Variants in ENPP6 observed in about 807,000 individuals in gnomAD.
ENPP6 encodes the protein ectonucleotide pyrophosphatase/phosphodiesterase 6.
A neutral mutation model predicts 42.0 loss-of-function variants in ENPP6; 32 were observed. The observed-to-expected ratio is 0.76, with a 90% CI of 0.58 to 1.02. The LOEUF is 1.02. Ranked by LOEUF, ENPP6 falls within the 50% of genes least tolerant of loss-of-function variation. The pLI is 0.00. For synonymous variants in ENPP6, 213 were observed against 216.0 expected, an observed-to-expected ratio of 0.99 and a Z score of 0.12; for missense variants, 552 against 566.8, an observed-to-expected ratio of 0.97 and a Z score of 0.27.
intron 5 of ENPP6, among the ~76,000 whole-genome samples, chr4:184,113,898 CTTTT>C (rs1560981810): frequency 7.3e-5 from 9 of 122,836 alleles, no homozygotes; most frequent in Admixed American, 2.5e-4. Flanking sequence ...TCCTTTCTTT[CTTTT>C]CTTTCTTTCT....
At chr4:184,211,236 T>G (rs1277494772) in intron 1 of ENPP6, among the ~76,000 whole-genome samples, 1 of 151,528 alleles carries the variant, frequency 6.6e-6, no homozygotes, top group Non-Finnish European at 1.5e-5. Context: ...ATAACCAAAA[T>G]CAGAGCAGAA....
intron 3 of ENPP6, among the ~76,000 whole-genome samples, chr4:184,120,526 C>A (rs1736398377): frequency 6.6e-6 from 1 of 152,230 alleles, no homozygotes; most frequent in Non-Finnish European, 1.5e-5. Flanking sequence ...CCCTGCTCTC[C>A]TCCACCAACC....
intron 1 of ENPP6, among the ~76,000 whole-genome samples, chr4:184,175,531 G>A (rs781043556): frequency 8.5e-5 from 13 of 152,166 alleles, no homozygotes; most frequent in Non-Finnish European, 1.0e-4. Context: ...GGCTACCACC[G>A]CAGAGTGGGG....
At chr4:184,155,229 A>G (rs1384268886) in intron 1 of ENPP6, among the ~76,000 whole-genome samples, 1 of 152,218 alleles carries the variant, frequency 6.6e-6, no homozygotes, top group East Asian at 1.9e-4. Flanking sequence ...TTTTTAGTAT[A>G]TGAAAGTTGA....
chr4:184,206,252 T>TTC (rs1491264597), intron 1 of ENPP6, among the ~76,000 whole-genome samples: 16,332 of 57,138 alleles, frequency 0.29, 2,169 homozygotes, highest in Non-Finnish European at 0.32. Context: ...GAAGCTTGAA[T>TTC]TTTTTTTTTT....
chr4:184,096,351 A>C (rs796300963), intron 7 of ENPP6, among the ~76,000 whole-genome samples: 1 of 152,216 alleles, frequency 6.6e-6, no homozygotes, highest in East Asian at 1.9e-4. Context: ...CATTTTGACC[A>C]ACATCTAGAA....
chr4:184,097,407 G>T, intron 6 of ENPP6, 39 bp from the exon 7 acceptor site: 5 of 1,610,558 alleles, frequency 3.1e-6, no homozygotes, highest in Middle Eastern at 1.7e-4. Flanking sequence ...ACTACGTCCT[G>T]ACCGTGGCGC....
At chr4:184,145,878 T>C (rs1736909846) in intron 2 of ENPP6, among the ~76,000 whole-genome samples, 1 of 152,138 alleles carries the variant, frequency 6.6e-6, no homozygotes, top group East Asian at 1.9e-4. Flanking sequence ...CAAGAATAAA[T>C]GGAGTATTAT....
intron 5 of ENPP6, 68 bp from the exon 6 acceptor site, chr4:184,112,877 A>G: frequency 6.8e-7 from 1 of 1,468,644 alleles, no homozygotes; most frequent in Admixed American, 2.2e-5. Context: ...TACTGGAGCT[A>G]GGGGAGAGGA....
intron 2 of ENPP6, among the ~76,000 whole-genome samples, chr4:184,132,535 G>A (rs1736655025): frequency 6.6e-6 from 1 of 151,808 alleles, no homozygotes; most frequent in African/African-American, 2.4e-5. Context: ...TAATTTTAAT[G>A]ACTTCATCAG....
In ENPP6 at chr4:184,112,693, A is replaced by G. The variant is rs772732636; in HGVS notation, c.972T>C (p.Asp324=). The part of the protein sequence containing the change: ...KFVSPLTLVA[D]EGWFITENRE... ...TTACCTCAGTTATGAACCAGCCTTC[A>G]TCAGCCACTAAAGTCAAAGGAGAGA... Residue 324 remains aspartate (D), a synonymous_variant, in exon 6 of 8, where the codon GAT becomes GAC. Transcript: ENST00000296741. 3 of 1,614,140 alleles carry G rather than the reference A, an allele frequency of 1.9e-6. No homozygotes were observed. The Admixed American group carries it at 5.0e-5, about 27-fold the overall frequency.
At chr4:184,215,639 C>T (rs1467319740) in intron 1 of ENPP6, among the ~76,000 whole-genome samples, 1 of 152,168 alleles carries the variant, frequency 6.6e-6, no homozygotes, top group Non-Finnish European at 1.5e-5. Context: ...CTCCCTTGTG[C>T]AGGGTAGCTT....
At chr4:184,142,188 A>T (rs1031716210) in intron 2 of ENPP6, among the ~76,000 whole-genome samples, 1 of 152,216 alleles carries the variant, frequency 6.6e-6, no homozygotes, top group African/African-American at 2.4e-5. Context: ...CATAAAAATT[A>T]CATTTCTCCA....
chr4:184,200,615 A>G (rs1016603438), intron 1 of ENPP6, among the ~76,000 whole-genome samples: 2 of 152,196 alleles, frequency 1.3e-5, no homozygotes, highest in Admixed American at 1.3e-4. Context: ...AAGATGATGT[A>G]ATGTATCCAA....
At chr4:184,188,529 C>T (rs1343808306) in intron 1 of ENPP6, among the ~76,000 whole-genome samples, 1 of 152,094 alleles carries the variant, frequency 6.6e-6, no homozygotes, top group Admixed American at 6.6e-5. Context: ...CACAGTCTTG[C>T]CACGCTGTGT....
chr4:184,128,757 A>T (rs1017607782), intron 2 of ENPP6, among the ~76,000 whole-genome samples: 3 of 152,216 alleles, frequency 2.0e-5, no homozygotes, highest in Non-Finnish European at 4.4e-5. Flanking sequence ...GATATTGAAA[A>T]GTTTATCTTA....
At chr4:184,147,301 G>A (rs996869905) in intron 2 of ENPP6, among the ~76,000 whole-genome samples, 11 of 152,178 alleles carry the variant, frequency 7.2e-5, no homozygotes, top group Non-Finnish European at 4.4e-5. Context: ...CAGTCTGAGC[G>A]ATGCTCACCT....
chr4:184,143,260 A>G (rs995415257), intron 2 of ENPP6, among the ~76,000 whole-genome samples: 2 of 152,040 alleles, frequency 1.3e-5, no homozygotes, highest in South Asian at 2.1e-4. Flanking sequence ...CACCCCTCCA[A>G]TTTGAATCTC....
chr4:184,115,078 G>A (rs1445200555), intron 5 of ENPP6, among the ~76,000 whole-genome samples: 1 of 152,206 alleles, frequency 6.6e-6, no homozygotes, highest in Non-Finnish European at 1.5e-5. Flanking sequence ...TTAAGGAAAG[G>A]AGGATGCATT....
Sources: gnomAD v4.1 joint callset for allele counts (sites outside exome capture counted in the v4.1 genomes callset) on GRCh38, gnomAD v4.1.1 for gene constraint, MANE v1.5 for transcripts, NCBI Gene and HGNC (gene_info 2026-07-23, HGNC 2026-07-21) for gene names.